LYZL4: variants seen among roughly 807,000 people sequenced by gnomAD.
LYZL4 encodes lysozyme like 4.
In LYZL4, 13 loss-of-function variants were observed where a neutral mutation model predicts 17.6. The observed-to-expected ratio is 0.74, with a 90% confidence interval of 0.48 to 1.18. The LOEUF (loss-of-function observed/expected upper bound fraction) is 1.18. Ranked by LOEUF, LYZL4 falls within the 50% of genes most tolerant of loss-of-function variation. The probability of loss-of-function intolerance (pLI) is 0.00; values close to 1 mark genes in which losing one functional copy is unlikely to be tolerated. For synonymous variants in LYZL4, 64 were observed against 67.7 expected, an observed-to-expected ratio of 0.95 and a Z score of 0.27; for missense variants, 174 against 188.2, an observed-to-expected ratio of 0.92 and a Z score of 0.44.
At chr3:42,387,922 G>C in the LYZL4 span, among the ~76,000 whole-genome samples, 1 of 152,120 alleles carries the variant, frequency 6.6e-6, no homozygotes, top group Non-Finnish European at 1.5e-5. Context: ...GGGCCACAGA[G>C]ACCTTTCCCA....
At chr3:42,371,778 C>T in the LYZL4 span, among the ~76,000 whole-genome samples, 3 of 151,836 alleles carry the variant, frequency 2.0e-5, no homozygotes, top group African/African-American at 7.3e-5. Context: ...CCCATGCAGA[C>T]AATAAAGGGA....
rs372342313 is a variant in LYZL4 at position 42,407,240 on chromosome 3, G to C, written c.12C>G (p.Ser4=). MKA[S]VVLSLLGYLV... ...GGTAGCCAAGGAGGGAGAGAACCACGGATGCCTTCATCTTCTCCAGGCTCC... is the reference window on the plus strand; with the variant it reads ...GGTAGCCAAGGAGGGAGAGAACCACCGATGCCTTCATCTTCTCCAGGCTCC... The change falls in exon 2 of 5, where the codon TCC becomes TCG. Residue 4 remains serine (S), a synonymous_variant. Coordinates refer to ENST00000287748, the MANE Select transcript of LYZL4 (RefSeq NM_144634.4). 6 of 1,614,146 alleles carry C rather than the reference G, an allele frequency of 3.7e-6. No homozygotes were observed. The highest frequency in any genetic ancestry group is 5.1e-6 in the Non-Finnish European group (6 of 1,180,022).
At chr3:42,407,704 A>T (rs371053085) in intron 1 of LYZL4, among the ~76,000 whole-genome samples, 75 of 138,158 alleles carry the variant, frequency 5.4e-4, no homozygotes, top group African/African-American at 1.6e-3. Context: ...AAGAGAAATT[A>T]AAAAAAAAAA....
At chr3:42,365,476 C>T in the LYZL4 span, among the ~76,000 whole-genome samples, 7 of 152,176 alleles carry the variant, frequency 4.6e-5, no homozygotes, top group African/African-American at 1.7e-4. Flanking sequence ...ACTCCATGTG[C>T]ATCTCATCCT....
chr3:42,372,360 T>C, the LYZL4 span, among the ~76,000 whole-genome samples: 1 of 152,134 alleles, frequency 6.6e-6, no homozygotes, highest in African/African-American at 2.4e-5. Flanking sequence ...GTCTGACATA[T>C]AGTGATGGTT....
the LYZL4 span, among the ~76,000 whole-genome samples, chr3:42,374,390 T>C: frequency 6.6e-6 from 1 of 152,206 alleles, no homozygotes; most frequent in African/African-American, 2.4e-5. Context: ...GGTAAAATGT[T>C]ATTCTTGTAA....
the LYZL4 span, among the ~76,000 whole-genome samples, chr3:42,382,613 A>G: frequency 1.3e-5 from 2 of 151,922 alleles, no homozygotes; most frequent in East Asian, 3.9e-4. Context: ...CTGTTTATAT[A>G]GATCAGGAAA....
the LYZL4 span, among the ~76,000 whole-genome samples, chr3:42,362,074 C>T: frequency 6.6e-6 from 1 of 152,110 alleles, no homozygotes; most frequent in African/African-American, 2.4e-5. Context: ...AAATTTGAAA[C>T]AGTTTGACAA....
At chr3:42,378,461 G>A in the LYZL4 span, among the ~76,000 whole-genome samples, 1 of 152,182 alleles carries the variant, frequency 6.6e-6, no homozygotes. Context: ...ACTTACTAAA[G>A]TCTGTAGACG....
chr3:42,364,863 G>A, the LYZL4 span, among the ~76,000 whole-genome samples: 4 of 152,250 alleles, frequency 2.6e-5, no homozygotes, highest in South Asian at 6.2e-4. Context: ...TAGGTAATAA[G>A]CTGCCTAAGT....
chr3:42,363,408 G>A, the LYZL4 span, among the ~76,000 whole-genome samples: 1 of 152,216 alleles, frequency 6.6e-6, no homozygotes, highest in East Asian at 1.9e-4. Flanking sequence ...ATAATTAGGG[G>A]TGAAGTATCG....
At chr3:42,410,334 A>T (rs901857573) in intron 1 of LYZL4, 83 bp downstream of exon 1, 1 of 152,220 alleles carries the variant, frequency 6.6e-6, no homozygotes, top group African/African-American at 2.4e-5. Context: ...CAAATAAGCA[A>T]TAAGTGAATT....
chr3:42,394,647 A>G (rs1698527721), downstream of LYZL4, among the ~76,000 whole-genome samples: 1 of 152,214 alleles, frequency 6.6e-6, no homozygotes, highest in African/African-American at 2.4e-5. Flanking sequence ...TGTAAACCAG[A>G]CAAGGAGATC....
the LYZL4 span, among the ~76,000 whole-genome samples, chr3:42,376,067 T>C: frequency 3.3e-5 from 5 of 152,214 alleles, no homozygotes; most frequent in African/African-American, 1.2e-4. Flanking sequence ...AAAACCAAGA[T>C]TCTACCCACA....
the LYZL4 span, among the ~76,000 whole-genome samples, chr3:42,363,291 G>T: frequency 6.6e-6 from 1 of 152,146 alleles, no homozygotes; most frequent in Non-Finnish European, 1.5e-5. Context: ...TTAAATTTGG[G>T]TCTAATGTTG....
the LYZL4 span, among the ~76,000 whole-genome samples, chr3:42,387,811 G>A: frequency 6.6e-6 from 1 of 152,084 alleles, no homozygotes; most frequent in African/African-American, 2.4e-5. Flanking sequence ...TCCAGCCAGG[G>A]CTACCCCTCC....
chr3:42,397,530 G>A (rs539957435), intron 4 of LYZL4, among the ~76,000 whole-genome samples, 196 bp from the exon 5 acceptor site: 19 of 152,210 alleles, frequency 1.2e-4, no homozygotes, highest in African/African-American at 4.1e-4. Flanking sequence ...CTTGAATACT[G>A]GTGCTTCCTC....
intron 1 of LYZL4, among the ~76,000 whole-genome samples, chr3:42,408,452 G>C (rs1351681613): frequency 6.6e-6 from 1 of 152,126 alleles, no homozygotes; most frequent in East Asian, 1.9e-4. Flanking sequence ...TTCAAATGTT[G>C]CTGCATCTTG....
chr3:42,364,715 C>A, the LYZL4 span, among the ~76,000 whole-genome samples: 15 of 151,904 alleles, frequency 9.9e-5, no homozygotes, highest in Admixed American at 9.8e-4. Context: ...TTCAAGTGGA[C>A]CTCCCACCTT....
Sources: allele counts gnomAD v4.1 joint callset (sites outside exome capture counted in the v4.1 genomes callset), GRCh38; gene constraint gnomAD v4.1.1; transcripts MANE v1.5; gene names NCBI Gene and HGNC (gene_info 2026-07-23, HGNC 2026-07-21).